Variants in SAMD5 observed in about 807,000 individuals in gnomAD.
The protein encoded by SAMD5 is sterile alpha motif domain containing 5.
A neutral mutation model predicts 11.3 loss-of-function variants in SAMD5; 13 were observed. The ratio of observed to expected loss-of-function variants is 1.15; its 90% CI spans 0.75 to 1.83. The LOEUF is 1.83. Among genes scored for constraint, SAMD5 ranks in the 40% most tolerant of loss-of-function variants. The pLI is 0.00. For missense variants in SAMD5, 255 were observed against 239.1 expected (o/e 1.07, Z -0.44); for synonymous variants, 129 against 111.3 (o/e 1.16, Z -1.00).
At chr6:147,726,988 G>C (rs942304740) in intron 1 of SAMD5, among the ~76,000 whole-genome samples, 1 of 152,200 alleles carries the variant, frequency 6.6e-6, no homozygotes, top group Admixed American at 6.5e-5. Flanking sequence ...GACTTTCCTT[G>C]ACATAACTAA....
At chr6:147,750,591 G>T in the SAMD5 span, among the ~76,000 whole-genome samples, 2 of 152,168 alleles carry the variant, frequency 1.3e-5, no homozygotes, top group Non-Finnish European at 2.9e-5. Flanking sequence ...ACAGTTTGAT[G>T]AGGCTCAGGA....
At chr6:147,768,823 C>A in the SAMD5 span, among the ~76,000 whole-genome samples, 64 of 152,124 alleles carry the variant, frequency 4.2e-4, no homozygotes, top group Non-Finnish European at 7.1e-4. Flanking sequence ...GAGACGGAGT[C>A]TTGCTCTGTC....
At chr6:147,791,612 G>A in the SAMD5 span, among the ~76,000 whole-genome samples, 1 of 152,068 alleles carries the variant, frequency 6.6e-6, no homozygotes, top group Non-Finnish European at 1.5e-5. Context: ...ATTTTATTGT[G>A]TAAAGTGGCC....
chr6:147,772,771 A>G, the SAMD5 span, among the ~76,000 whole-genome samples: 4 of 152,304 alleles, frequency 2.6e-5, no homozygotes, highest in East Asian at 7.7e-4. Context: ...TTTTAACTTA[A>G]TCACCTCATT....
chr6:147,888,424 AG>A, the SAMD5 span, among the ~76,000 whole-genome samples: 1 of 152,122 alleles, frequency 6.6e-6, no homozygotes, highest in African/African-American at 2.4e-5. Context: ...CACTGGGAAA[AG>A]GGCTGCATTT....
chr6:147,695,243 A>G (rs966212814), intron 1 of SAMD5, among the ~76,000 whole-genome samples: 1 of 152,286 alleles, frequency 6.6e-6, no homozygotes, highest in African/African-American at 2.4e-5. Flanking sequence ...CTCATTGTTT[A>G]ATTAAATATT....
the SAMD5 span, among the ~76,000 whole-genome samples, chr6:147,793,391 A>G: frequency 6.6e-6 from 1 of 152,216 alleles, no homozygotes; most frequent in Non-Finnish European, 1.5e-5. Flanking sequence ...GAGGAACTTC[A>G]TGAGATGTGA....
At chr6:147,924,008 G>T in the SAMD5 span, among the ~76,000 whole-genome samples, 2 of 152,222 alleles carry the variant, frequency 1.3e-5, no homozygotes, top group East Asian at 1.9e-4. Context: ...TGCAGAAGAG[G>T]TATCTGTGCT....
intron 1 of SAMD5, among the ~76,000 whole-genome samples, chr6:147,677,822 A>C (rs1026355867): frequency 6.6e-4 from 101 of 152,156 alleles, no homozygotes; most frequent in Non-Finnish European, 1.2e-3. Context: ...AGGCCCAACC[A>C]AAAAGTGAGC....
the SAMD5 span, among the ~76,000 whole-genome samples, chr6:147,753,106 A>G: frequency 6.6e-6 from 1 of 152,230 alleles, no homozygotes; most frequent in Non-Finnish European, 1.5e-5. Flanking sequence ...ATAACAGTCA[A>G]TGCATTTGCT....
downstream of SAMD5, among the ~76,000 whole-genome samples, chr6:147,573,586 A>G (rs780899490): frequency 1.3e-5 from 2 of 152,200 alleles, no homozygotes; most frequent in Admixed American, 1.3e-4. Flanking sequence ...GTGACCTTAC[A>G]TAAGTTACTA....
intron 1 of SAMD5, among the ~76,000 whole-genome samples, chr6:147,635,117 A>C (rs1054028278): frequency 2.0e-5 from 3 of 152,178 alleles, no homozygotes; most frequent in Admixed American, 6.5e-5. Flanking sequence ...TTGTTCCATT[A>C]GTTTGTACTG....
chr6:147,532,876 G>A (rs1453509189), intron 1 of SAMD5, among the ~76,000 whole-genome samples: 4 of 152,046 alleles, frequency 2.6e-5, no homozygotes, highest in Admixed American at 6.5e-5. Flanking sequence ...TTTTCCTCCC[G>A]GAGAGCCAGT....
the SAMD5 span, among the ~76,000 whole-genome samples, chr6:147,805,830 C>T: frequency 6.6e-6 from 1 of 152,150 alleles, no homozygotes; most frequent in African/African-American, 2.4e-5. Context: ...TCACAATTCA[C>T]TGACCTGAGA....
chr6:147,723,127 G>A (rs1236700722), intron 1 of SAMD5, among the ~76,000 whole-genome samples: 4 of 152,176 alleles, frequency 2.6e-5, no homozygotes, highest in Non-Finnish European at 5.9e-5. Flanking sequence ...GTGGTGTGAG[G>A]AGTTCCTCAG....
At chr6:147,774,258 C>T in the SAMD5 span, among the ~76,000 whole-genome samples, 9 of 152,136 alleles carry the variant, frequency 5.9e-5, no homozygotes, top group Non-Finnish European at 1.0e-4. Context: ...AGGATTTCAA[C>T]GTATGAATTT....
At chr6:147,509,598 A>G (rs1464805469) in intron 1 of SAMD5, among the ~76,000 whole-genome samples, 1 of 152,150 alleles carries the variant, frequency 6.6e-6, no homozygotes, top group African/African-American at 2.4e-5. Context: ...AAGCCCCCGC[A>G]TCCAGATGTT....
chr6:147,920,432 C>T, the SAMD5 span, among the ~76,000 whole-genome samples: 1 of 152,180 alleles, frequency 6.6e-6, no homozygotes, highest in Non-Finnish European at 1.5e-5. Context: ...AGCTTCCCTA[C>T]TTTTGAGGTT....
intron 1 of SAMD5, among the ~76,000 whole-genome samples, chr6:147,647,443 T>C (rs772602469): frequency 6.6e-6 from 1 of 151,962 alleles, no homozygotes; most frequent in Non-Finnish European, 1.5e-5. Flanking sequence ...GGGTGGCTGA[T>C]GAAGCAATCA....
Sources: gnomAD v4.1 joint callset for allele counts (sites outside exome capture counted in the v4.1 genomes callset) on GRCh38, gnomAD v4.1.1 for gene constraint, MANE v1.5 for transcripts, NCBI Gene and HGNC (gene_info 2026-07-23, HGNC 2026-07-21) for gene names.